Variants in CADM2 observed in about 807,000 individuals in gnomAD.
The protein encoded by CADM2 is cell adhesion molecule 2.
Under a neutral mutation model 49.8 loss-of-function variants are expected in CADM2, and 12 were observed. That is an observed-to-expected ratio of 0.24 (90% CI 0.15 to 0.39). CADM2 has a LOEUF of 0.39. Among genes scored for constraint, CADM2 ranks in the 10% least tolerant of loss-of-function variants. The probability of loss-of-function intolerance (pLI) is 1.00; values close to 1 mark genes in which losing one functional copy is unlikely to be tolerated. For missense variants in CADM2, 378 were observed against 492.3 expected (o/e 0.77, Z 2.20); for synonymous variants, 214 against 175.4 (o/e 1.22, Z -1.74).
rs180794315 is a variant in CADM2, at chr3:86,066,055, G to T, written c.1096+325G>T. ...AACTATTTGGTTGATGTTTTTGTCA[G>T]TTTGTGAACATCTGTGTAGCCATAT... is the stretch of plus-strand genomic sequence containing the variant. On this transcript the variant is annotated intron_variant, in intron 9 of 9. Transcript: ENST00000383699. 6.4e-3 allele frequency among the ~76,000 whole-genome samples: 974 copies of T among 152,100 alleles called. 7 individuals carry two copies. Among genetic ancestry groups the T allele is most frequent in the Non-Finnish European group, 8.8e-3 (597 of 67,978 alleles).
chr3:85,763,864 C>T (rs1049176304), intron 2 of CADM2, among the ~76,000 whole-genome samples: 1 of 152,110 alleles, frequency 6.6e-6, no homozygotes, highest in Non-Finnish European at 1.5e-5. Context: ...ACCCTCTTTA[C>T]TGATATTGCC....
intron 3 of CADM2, among the ~76,000 whole-genome samples, chr3:85,871,160 C>T (rs573979313): frequency 1.3e-5 from 2 of 152,244 alleles, no homozygotes; most frequent in South Asian, 4.1e-4. Context: ...GTCTAATATC[C>T]AGCAACTATA....
At chr3:85,601,969 C>A (rs1210477224) in intron 1 of CADM2, among the ~76,000 whole-genome samples, 1 of 151,672 alleles carries the variant, frequency 6.6e-6, no homozygotes, top group African/African-American at 2.4e-5. Flanking sequence ...AGAAGAAATT[C>A]AAAGCAAATC....
At chr3:85,637,446 T>C (rs4422324) in intron 1 of CADM2, among the ~76,000 whole-genome samples, 112,477 of 143,656 alleles carry the variant, frequency 0.78, 44,819 homozygotes, top group African/African-American at 0.94. Context: ...ACTAAAAATA[T>C]AAAAAATTAG....
chr3:85,779,504 T>C (rs1363961825), intron 2 of CADM2, among the ~76,000 whole-genome samples: 3 of 152,094 alleles, frequency 2.0e-5, no homozygotes, highest in Non-Finnish European at 4.4e-5. Flanking sequence ...AGAAAACACA[T>C]CCTTCTTCAC....
chr3:85,706,580 T>C (rs562478360), intron 1 of CADM2, among the ~76,000 whole-genome samples: 8 of 152,360 alleles, frequency 5.3e-5, no homozygotes, highest in African/African-American at 1.7e-4. Flanking sequence ...ATATTAGATA[T>C]TTATTCTATA....
intron 1 of CADM2, among the ~76,000 whole-genome samples, chr3:85,037,659 G>C (rs2035274171): frequency 2.0e-5 from 3 of 152,060 alleles, no homozygotes; most frequent in African/African-American, 7.2e-5. Context: ...CTCCTACTAA[G>C]AAGGGCTTTT....
At chr3:85,363,768 C>A (rs1320382159) in intron 1 of CADM2, among the ~76,000 whole-genome samples, 3 of 152,144 alleles carry the variant, frequency 2.0e-5, no homozygotes, top group African/African-American at 7.2e-5. Flanking sequence ...CCCGCCACCG[C>A]GCCCGGCTAA....
intron 5 of CADM2, among the ~76,000 whole-genome samples, chr3:85,907,995 A>G (rs1717031960): frequency 6.6e-6 from 1 of 152,064 alleles, no homozygotes; most frequent in Non-Finnish European, 1.5e-5. Flanking sequence ...CAAATAAACC[A>G]AAATAGTTGA....
At chr3:85,785,188 G>A (rs1397827998) in intron 2 of CADM2, among the ~76,000 whole-genome samples, 1 of 151,612 alleles carries the variant, frequency 6.6e-6, no homozygotes, top group Non-Finnish European at 1.5e-5. Context: ...CCTCAATCTG[G>A]CTAAAGGTTG....
intron 1 of CADM2, among the ~76,000 whole-genome samples, chr3:85,311,364 T>TTTATATTTA (rs1553707375): frequency 6.7e-6 from 1 of 148,158 alleles, no homozygotes; most frequent in Non-Finnish European, 1.5e-5. Flanking sequence ...TTTATTTATA[T>TTTATATTTA]TTATTATTAT....
intron 7 of CADM2, among the ~76,000 whole-genome samples, chr3:85,955,607 CA>C (rs1267501131): frequency 6.6e-6 from 1 of 151,428 alleles, no homozygotes; most frequent in Non-Finnish European, 1.5e-5. Flanking sequence ...GGTATAACTG[CA>C]CAGAATAAAT....
chr3:85,289,875 G>A (rs1400045188), intron 1 of CADM2, among the ~76,000 whole-genome samples: 1 of 152,110 alleles, frequency 6.6e-6, no homozygotes. Context: ...TAAACATCAG[G>A]ATATTAGATA....
At chr3:85,015,671 T>C (rs551210057) in intron 1 of CADM2, among the ~76,000 whole-genome samples, 1 of 152,238 alleles carries the variant, frequency 6.6e-6, no homozygotes, top group South Asian at 2.1e-4. Flanking sequence ...GGTAAGATAA[T>C]TGTCAAAAGG....
At chr3:85,324,007 A>G (rs1235020884) in intron 1 of CADM2, among the ~76,000 whole-genome samples, 1 of 152,214 alleles carries the variant, frequency 6.6e-6, no homozygotes, top group Admixed American at 6.5e-5. Flanking sequence ...AAGACAAGCT[A>G]TAATACTGGC....
At chr3:85,341,071 T>G (rs1432438153) in intron 1 of CADM2, among the ~76,000 whole-genome samples, 1 of 151,786 alleles carries the variant, frequency 6.6e-6, no homozygotes. Flanking sequence ...ATATTTATTT[T>G]TCAAGCTTTT....
intron 8 of CADM2, among the ~76,000 whole-genome samples, chr3:86,051,964 T>C (rs1737392248): frequency 7.5e-6 from 1 of 134,150 alleles, no homozygotes; most frequent in Non-Finnish European, 1.7e-5. Context: ...TATCAGTGAC[T>C]TTCAAAAAAA....
chr3:85,552,376 T>TTTTTTTG, intron 1 of CADM2, among the ~76,000 whole-genome samples: 1 of 29,102 alleles, frequency 3.4e-5, no homozygotes, highest in African/African-American at 4.5e-5. Context: ...GTTTTTTTTT[T>TTTTTTTG]TTTTTTTTTT....
intron 1 of CADM2, among the ~76,000 whole-genome samples, chr3:85,663,911 A>G (rs1254970047): frequency 6.6e-6 from 1 of 152,008 alleles, no homozygotes; most frequent in African/African-American, 2.4e-5. Context: ...TTCTACTGCC[A>G]TCAAACTGTT....
Sources: allele counts gnomAD v4.1 joint callset (sites outside exome capture counted in the v4.1 genomes callset), GRCh38; gene constraint gnomAD v4.1.1; transcripts MANE v1.5; gene names NCBI Gene and HGNC (gene_info 2026-07-23, HGNC 2026-07-21).